The following SYTL5 variants were observed in gnomAD, a reference collection of about 807,000 sequenced individuals.
SYTL5 encodes synaptotagmin-like protein 5.
A neutral mutation model predicts 55.9 loss-of-function variants in SYTL5; 34 were observed. The observed-to-expected ratio is 0.61, with a 90% CI of 0.46 to 0.81. The LOEUF (loss-of-function observed/expected upper bound fraction) is 0.81. SYTL5 is among the 30% of genes least tolerant of loss of function. The probability of loss-of-function intolerance (pLI) is 0.00; values close to 1 mark genes in which losing one functional copy is unlikely to be tolerated. For missense variants in SYTL5, 637 were observed against 546.7 expected, an observed-to-expected ratio of 1.17 and a Z score of -1.65; for synonymous variants, 221 against 188.7, an observed-to-expected ratio of 1.17 and a Z score of -1.40.
At chrX:38,013,252 C>T (rs1391691488) in intron 1 of SYTL5, among the ~76,000 whole-genome samples, 1 of 112,277 alleles carries the variant, frequency 8.9e-6, no homozygotes, top group Non-Finnish European at 1.9e-5. Context: ...CAAGTGAATT[C>T]CCATCTGACT....
At chrX:37,899,225 C>T in the SYTL5 span, among the ~76,000 whole-genome samples, 6,396 of 110,287 alleles carry the variant, frequency 0.058, 229 homozygotes, top group African/African-American at 0.12. Context: ...ATTTTAGAGA[C>T]GGGCCTTATT....
chrX:38,031,635 G>GTTCATTGAAGA (rs1934954831), intron 1 of SYTL5, among the ~76,000 whole-genome samples: 1 of 112,079 alleles, frequency 8.9e-6, no homozygotes, highest in Non-Finnish European at 1.9e-5. Flanking sequence ...TGAACCCTGG[G>GTTCATTGAAGA]TGTAATGATA....
intron 11 of SYTL5, among the ~76,000 whole-genome samples, chrX:38,108,082 T>C (rs1191428104): frequency 8.9e-6 from 1 of 111,914 alleles, no homozygotes; most frequent in Non-Finnish European, 1.9e-5. Context: ...TACTCACCCA[T>C]TACCATTGAC....
At chrX:37,920,548 T>C in the SYTL5 span, among the ~76,000 whole-genome samples, 2 of 111,352 alleles carry the variant, frequency 1.8e-5, no homozygotes, top group African/African-American at 6.5e-5. Flanking sequence ...CCTGGCTCTC[T>C]CTTGGCATCT....
rs766272918 is a variant in SYTL5 at position 38,054,286 on chromosome X, G to A, written c.193G>A (p.Val65Ile). The part of the protein sequence containing the change: ...KTQQEASRVC[V>I]HCHRNLGLIF... Reference sequence around the variant, plus strand: ...TCAACAAGAGGCCAGCAGAGTTTGTGTTCACTGTCACAGAAACCTGGGCCT... The same window carrying A: ...TCAACAAGAGGCCAGCAGAGTTTGTATTCACTGTCACAGAAACCTGGGCCT... The change falls in exon 3 of 17, where the codon GTT becomes ATT. Residue 65 changes from valine (V) to isoleucine (I), a missense_variant. By Grantham distance (29) the Val-to-Ile change is conservative. Transcript: ENST00000297875. The A allele has an allele frequency of 1.7e-6, 2 of 1,211,308 alleles. No individual in the cohort carries two copies. Among genetic ancestry groups the A allele is most frequent in the East Asian group, 3.0e-5 (1 of 33,849 alleles).
the SYTL5 span, among the ~76,000 whole-genome samples, chrX:37,975,755 T>G: frequency 4.7e-4 from 53 of 112,406 alleles, no homozygotes; most frequent in Non-Finnish European, 4.9e-4. Context: ...CTCGTATATT[T>G]TCATATGAAG....
the SYTL5 span, among the ~76,000 whole-genome samples, chrX:37,901,119 C>T: frequency 9.0e-6 from 1 of 111,374 alleles, no homozygotes; most frequent in East Asian, 2.8e-4. Context: ...AGGACTATCA[C>T]AAACCACATG....
chrX:38,095,628 C>A (rs1936914367), intron 8 of SYTL5, among the ~76,000 whole-genome samples: 1 of 112,102 alleles, frequency 8.9e-6, no homozygotes, highest in Admixed American at 9.5e-5. Flanking sequence ...CCTCTCATTG[C>A]ATCTATAGCC....
At chrX:37,908,390 T>C in the SYTL5 span, among the ~76,000 whole-genome samples, 1 of 111,756 alleles carries the variant, frequency 8.9e-6, no homozygotes, top group Non-Finnish European at 1.9e-5. Context: ...CCTACTTTTA[T>C]CTCATTGGCA....
intron 1 of SYTL5, among the ~76,000 whole-genome samples, chrX:38,012,141 ACT>A (rs1420921357): frequency 1.8e-4 from 20 of 111,979 alleles, no homozygotes; most frequent in Non-Finnish European, 3.8e-5. Context: ...GCCAGGAAAC[ACT>A]CTGTTCCTAC....
upstream of SYTL5, among the ~76,000 whole-genome samples, chrX:38,003,758 C>A (rs1258160935): frequency 1.8e-5 from 2 of 111,855 alleles, no homozygotes; most frequent in Non-Finnish European, 3.8e-5. Context: ...TTTAAAGGAA[C>A]CTTCAAACTG....
chrX:37,921,373 G>A, the SYTL5 span, among the ~76,000 whole-genome samples: 2 of 110,624 alleles, frequency 1.8e-5, no homozygotes, highest in African/African-American at 6.6e-5. Context: ...TTAAGTAAAC[G>A]GAAGAAATTA....
chrX:38,024,313 C>G (rs995008989), intron 1 of SYTL5, among the ~76,000 whole-genome samples: 1 of 110,971 alleles, frequency 9.0e-6, no homozygotes, highest in African/African-American at 3.3e-5. Context: ...TGCACTCGCT[C>G]TTTTGCCTGC....
the SYTL5 span, among the ~76,000 whole-genome samples, chrX:37,927,372 C>A: frequency 4.5e-5 from 5 of 111,290 alleles, no homozygotes; most frequent in East Asian, 5.7e-4. Flanking sequence ...AAGATACTTT[C>A]GAGAACAAAG....
the SYTL5 span, among the ~76,000 whole-genome samples, chrX:37,923,555 GTA>G: frequency 9.2e-6 from 1 of 108,529 alleles, no homozygotes. Flanking sequence ...ATACATATAC[GTA>G]TATATATATA....
At chrX:38,053,566 A>C (rs1468253664) in intron 2 of SYTL5, among the ~76,000 whole-genome samples, 1 of 112,269 alleles carries the variant, frequency 8.9e-6, no homozygotes, top group Non-Finnish European at 1.9e-5. Flanking sequence ...TCGATGTGAA[A>C]TGGTAGGCAG....
chrX:37,926,400 C>T, the SYTL5 span, among the ~76,000 whole-genome samples: 6 of 110,200 alleles, frequency 5.4e-5, no homozygotes, highest in Non-Finnish European at 1.1e-4. Flanking sequence ...GGCTGACCCC[C>T]CTCCCCAATA....
intron 9 of SYTL5, among the ~76,000 whole-genome samples, chrX:38,098,904 C>A (rs928875693): frequency 1.8e-5 from 2 of 110,118 alleles, no homozygotes; most frequent in Non-Finnish European, 3.8e-5. Context: ...AGAAACCAGG[C>A]AAAACTACAT....
At chrX:37,913,816 A>G in the SYTL5 span, among the ~76,000 whole-genome samples, 1 of 112,228 alleles carries the variant, frequency 8.9e-6, no homozygotes, top group Non-Finnish European at 1.9e-5. Flanking sequence ...GACCAACTCA[A>G]AAATACACTC....
Sources: allele counts gnomAD v4.1 joint callset (sites outside exome capture counted in the v4.1 genomes callset), GRCh38; gene constraint gnomAD v4.1.1; transcripts MANE v1.5; gene names NCBI Gene and HGNC (gene_info 2026-07-23, HGNC 2026-07-21).